IQCB1: variants seen among roughly 807,000 people sequenced by gnomAD.
IQCB1 encodes IQ motif containing B1, also known as IQ calmodulin-binding motif-containing protein 1.
A neutral mutation model predicts 84.4 loss-of-function variants in IQCB1; 56 were observed. The ratio of observed to expected loss-of-function variants is 0.66; its 90% CI spans 0.54 to 0.83. The LOEUF is 0.83. Ranked by LOEUF, IQCB1 falls within the 40% of genes least tolerant of loss-of-function variation. The pLI is 0.00. For synonymous variants in IQCB1, 210 were observed against 234.8 expected (o/e 0.89, Z 0.96); for missense variants, 629 against 682.1 (o/e 0.92, Z 0.87).
chr3:121,790,791 A>T (rs76905750), intron 10 of IQCB1, among the ~76,000 whole-genome samples: 97,487 of 151,590 alleles, frequency 0.64, 31,794 homozygotes, highest in African/African-American at 0.71. Flanking sequence ...ACACAAAAAA[A>T]AAATAAAAAA....
chr3:121,801,636 T>C (rs1035845661), intron 7 of IQCB1, among the ~76,000 whole-genome samples: 4 of 152,014 alleles, frequency 2.6e-5, no homozygotes, highest in Non-Finnish European at 5.9e-5. Flanking sequence ...TTTCATCAGT[T>C]TGACATGTTT....
intron 5 of IQCB1, among the ~76,000 whole-genome samples, chr3:121,811,826 G>C (rs1310096373): frequency 6.6e-6 from 1 of 152,228 alleles, no homozygotes; most frequent in East Asian, 1.9e-4. Flanking sequence ...CTGGGGACAG[G>C]GGAGACTGTG....
At chr3:121,824,410 T>C (rs1393522541) in intron 5 of IQCB1, among the ~76,000 whole-genome samples, 1 of 152,164 alleles carries the variant, frequency 6.6e-6, no homozygotes, top group East Asian at 1.9e-4. Context: ...TCTGGAATTC[T>C]CCATTTAATA....
intron 13 of IQCB1, 111 bp downstream of exon 13, chr3:121,781,632 T>TACACACACACACAC (rs57816005): frequency 6.1e-6 from 5 of 820,850 alleles, no homozygotes; most frequent in African/African-American, 5.2e-5. Flanking sequence ...GCAATAAATG[T>TACACACACACACAC]ACACACACAC....
chr3:121,774,439 CA>C (rs1308067103), intron 13 of IQCB1, among the ~76,000 whole-genome samples: 1 of 152,072 alleles, frequency 6.6e-6, no homozygotes, highest in East Asian at 1.9e-4. Flanking sequence ...GATACTCACC[CA>C]AAAGAATTGA....
At chr3:121,777,703 CA>C (rs1948285937) in intron 13 of IQCB1, among the ~76,000 whole-genome samples, 1 of 152,164 alleles carries the variant, frequency 6.6e-6, no homozygotes, top group African/African-American at 2.4e-5. Flanking sequence ...GATTTACATT[CA>C]CACCAACAGT....
chr3:121,775,476 G>A (rs1464806149), intron 13 of IQCB1, among the ~76,000 whole-genome samples: 1 of 152,084 alleles, frequency 6.6e-6, no homozygotes. Context: ...GCCTATCGTG[G>A]GGTAGGGAAC....
intron 14 of IQCB1, among the ~76,000 whole-genome samples, chr3:121,771,457 T>C (rs1947988988): frequency 6.6e-6 from 1 of 151,746 alleles, no homozygotes; most frequent in African/African-American, 2.4e-5. Flanking sequence ...GCCTCCTGAG[T>C]AGCTGGGATT....
intron 8 of IQCB1, among the ~76,000 whole-genome samples, chr3:121,798,685 A>G (rs1949291711): frequency 6.6e-6 from 1 of 151,952 alleles, no homozygotes; most frequent in Non-Finnish European, 1.5e-5. Flanking sequence ...GAGAATGTAT[A>G]TACGCTTACT....
chr3:121,830,243 A>G (rs1950592330), intron 2 of IQCB1, among the ~76,000 whole-genome samples: 2 of 151,370 alleles, frequency 1.3e-5, no homozygotes, highest in South Asian at 4.1e-4. Context: ...AGTAAATAGT[A>G]TATTGAATAA....
At chr3:121,834,681 G>A (rs576131982) in intron 1 of IQCB1, among the ~76,000 whole-genome samples, 1 of 152,298 alleles carries the variant, frequency 6.6e-6, no homozygotes, top group Non-Finnish European at 1.5e-5. Flanking sequence ...TCAAGTCTAA[G>A]GACCGAGATT....
chr3:121,834,511 G>A (rs1708147890), intron 1 of IQCB1, 32 bp from the exon 2 acceptor site: 1 of 152,250 alleles, frequency 6.6e-6, no homozygotes, highest in African/African-American at 2.4e-5. Context: ...AGGAAATTCA[G>A]TGCGATCCTG....
At chr3:121,771,669 T>C (rs1453550473) in intron 14 of IQCB1, among the ~76,000 whole-genome samples, 1 of 152,134 alleles carries the variant, frequency 6.6e-6, no homozygotes, top group African/African-American at 2.4e-5. Flanking sequence ...TAGAACCTCA[T>C]CCTATAGATG....
At position 121,790,059 on chromosome 3, in the gene IQCB1, A is replaced by G. The variant is rs771638725; in HGVS notation, c.1129+14T>C. On this transcript the variant is annotated intron_variant, in intron 11 of 14. Transcript: ENST00000310864. ...AAATATTCTTATATTGATAAAGTTG[A>G]TACTGCCACTCACCTGGATGAACTA... The G allele has an allele frequency of 6.2e-7, 1 of 1,607,760 alleles. No homozygotes were observed. The highest frequency in any genetic ancestry group is 1.1e-5 in the South Asian group (1 of 90,938).
chr3:121,832,891 T>C (rs1950698352), intron 2 of IQCB1, among the ~76,000 whole-genome samples: 1 of 152,214 alleles, frequency 6.6e-6, no homozygotes, highest in Non-Finnish European at 1.5e-5. Context: ...ATAAGGTAAC[T>C]AGTTATGAAT....
At chr3:121,795,894 A>G (rs975902912) in intron 9 of IQCB1, among the ~76,000 whole-genome samples, 1 of 152,140 alleles carries the variant, frequency 6.6e-6, no homozygotes, top group African/African-American at 2.4e-5. Flanking sequence ...TAGGCAATCA[A>G]CCTAGTTAGG....
chr3:121,781,656 C>G (rs987127046), intron 13 of IQCB1, 87 bp downstream of exon 13: 98 of 1,048,778 alleles, frequency 9.3e-5, no homozygotes, highest in African/African-American at 1.7e-5. Context: ...CACACACACA[C>G]ACACACAATA....
intron 13 of IQCB1, 126 bp from the exon 14 acceptor site, chr3:121,772,839 G>T: frequency 1.2e-6 from 1 of 841,626 alleles, no homozygotes; most frequent in Non-Finnish European, 2.0e-6. Context: ...TATGATTGAT[G>T]TCTATCTTGT....
chr3:121,824,209 A>G (rs1950373552), intron 5 of IQCB1, among the ~76,000 whole-genome samples: 1 of 152,158 alleles, frequency 6.6e-6, no homozygotes, highest in Non-Finnish European at 1.5e-5. Context: ...GAAGGTGTGG[A>G]TAGTACTGAA....
Sources: gnomAD v4.1 joint callset for allele counts (sites outside exome capture counted in the v4.1 genomes callset) on GRCh38, gnomAD v4.1.1 for gene constraint, MANE v1.5 for transcripts, NCBI Gene and HGNC (gene_info 2026-07-23, HGNC 2026-07-21) for gene names.